Variants in KNDC1 observed in about 807,000 individuals in gnomAD.
KNDC1 encodes kinase non-catalytic C-lobe domain containing 1.
In KNDC1, 106 loss-of-function variants were observed where a neutral mutation model predicts 172.8. The observed-to-expected ratio is 0.61, with a 90% CI of 0.52 to 0.72. KNDC1 has a LOEUF of 0.72. Among genes scored for constraint, KNDC1 ranks in the 30% least tolerant of loss-of-function variants. The pLI is 0.00. For synonymous variants in KNDC1, 1,083 were observed against 1,062.2 expected (o/e 1.02, Z -0.38); for missense variants, 2,325 against 2,394.5 (o/e 0.97, Z 0.61).
chr10:133,169,679 G>A (rs969980512), intron 3 of KNDC1, among the ~76,000 whole-genome samples: 31 of 152,316 alleles, frequency 2.0e-4, no homozygotes, highest in East Asian at 5.8e-4. Flanking sequence ...CCTGGTGGCC[G>A]GGACATGGTG....
chr10:133,199,356 C>T (rs914967780), intron 14 of KNDC1, 90 bp downstream of exon 14: 5 of 1,559,946 alleles, frequency 3.2e-6, no homozygotes, highest in Admixed American at 1.8e-5. Flanking sequence ...CTTCCCCCAG[C>T]CCCCCAGCCG....
chr10:133,218,733 C>G, intron 26 of KNDC1, 98 bp from the exon 27 acceptor site: 3 of 1,457,276 alleles, frequency 2.1e-6, no homozygotes, highest in Non-Finnish European at 2.8e-6. Context: ...AGCACACGCT[C>G]TTGTGTCTTG....
At chr10:133,213,801 G>A (rs533735728) in intron 25 of KNDC1, 74 bp downstream of exon 25, 45 of 1,470,620 alleles carry the variant, frequency 3.1e-5, no homozygotes, top group Non-Finnish European at 3.6e-5. Context: ...TCTTGTGGAC[G>A]CTCCTGACCA....
Position 133,201,622 on chromosome 10 carries a change from G to A in KNDC1, c.3111G>A (p.Gln1037=). Reference sequence around the variant, plus strand: ...ACTTCGAGGTGGGGTTTCGGCCTCAGAGGTCCGTAAAAGCCGAGAGAGCGC... The same window carrying A: ...ACTTCGAGGTGGGGTTTCGGCCTCAAAGGTCCGTAAAAGCCGAGAGAGCGC... ...RGNFEVGFRP[Q]RSVKAERAQQ... is the part of the protein sequence containing the mutation. Residue 1037 remains glutamine, a synonymous_variant, in exon 17 of 30, where the codon CAG becomes CAA. Transcript: ENST00000304613. 6.2e-7 allele frequency: 1 copy of A among 1,613,142 alleles called. No individual in the cohort carries two copies. Among genetic ancestry groups the A allele is most frequent in the South Asian group, 1.1e-5 (1 of 91,086 alleles).
In KNDC1 at chr10:133,226,364, C is replaced by T. The variant is rs545133987; in HGVS notation, c.*1474C>T. ...GGCTTCAGCGCGACTGTCCGCATGG[C>T]TCCCTCCCGTCCTGGCACCAATTTC... On this transcript the variant is annotated 3_prime_UTR_variant, in exon 30 of 30. Coordinates refer to ENST00000304613, the MANE Select transcript of KNDC1 (RefSeq NM_152643.8). The T allele has an allele frequency of 9.2e-5, 14 of 152,446 alleles. No individual in the cohort carries two copies. Among genetic ancestry groups the T allele is most frequent in the African/African-American group, 3.4e-4 (14 of 41,592 alleles). 9.4% of individuals were successfully genotyped at this position (152,446 alleles called of 1,614,324 possible).
At chr10:133,219,842 C>A in intron 28 of KNDC1, 113 bp from the exon 29 acceptor site, 1 of 1,032,020 alleles carries the variant, frequency 9.7e-7, no homozygotes, top group Non-Finnish European at 1.4e-6. Context: ...AGACCCCGTG[C>A]GTGGAGAACG....
At chr10:133,219,820 A>T in intron 28 of KNDC1, 135 bp from the exon 29 acceptor site, 3 of 857,098 alleles carry the variant, frequency 3.5e-6, no homozygotes, top group Non-Finnish European at 5.1e-6. Flanking sequence ...AAGCTAATTC[A>T]GAGAGCCGGG....
intron 3 of KNDC1, among the ~76,000 whole-genome samples, chr10:133,177,084 T>C (rs1853557151): frequency 6.6e-6 from 1 of 152,204 alleles, no homozygotes; most frequent in Non-Finnish European, 1.5e-5. Context: ...CACCCTCTTC[T>C]GCTGGGGACC....
chr10:133,200,443 C>T lies in KNDC1; in HGVS notation c.2972C>T (p.Pro991Leu), dbSNP rs761177367. Reference protein sequence around the residue: ...QSPRSPSSKRPSLHRLGKEKP... With the variant: ...QSPRSPSSKRLSLHRLGKEKP... ...CCCCGCTCCCCGTCCAGCAAGAGGC[C>T]GTCGCTGCACCGCCTGGGTAAGTGC... Residue 991 changes from proline (P) to leucine (L), a missense_variant, in exon 16 of 30, where the codon CCG becomes CTG. Transcript: ENST00000304613. 15 of 1,587,400 alleles carry T rather than the reference C, an allele frequency of 9.4e-6. No homozygotes were observed. The highest frequency in any genetic ancestry group is 5.5e-5 in the African/African-American group (4 of 73,174).
At chr10:133,213,024 C>T (rs1001778602) in intron 24 of KNDC1, 102 bp downstream of exon 24, 16 of 1,083,946 alleles carry the variant, frequency 1.5e-5, no homozygotes, top group Admixed American at 2.6e-5. Context: ...GAGGAACAGA[C>T]GGGCAGAGAA....
intron 17 of KNDC1, among the ~76,000 whole-genome samples, chr10:133,204,734 C>T (rs967110757): frequency 2.9e-4 from 44 of 152,336 alleles, no homozygotes; most frequent in African/African-American, 1.0e-3. Context: ...GCTGACAAGG[C>T]GAGGGGGTGG....
At position 133,224,823 on chromosome 10, in the gene KNDC1, T is replaced by A. The variant is rs867313296; in HGVS notation, c.5183T>A (p.Val1728Asp). ...AADSRANFHQ[V>D]SSEKHSRKIQ... ...GATAGCAGGGCCAACTTCCACCAGG[T>A]CTCCAGCGAGAAGCACTCACGGAAG... Residue 1728 changes from valine to aspartate, a missense_variant, in exon 30 of 30, where the codon GTC (valine) becomes GAC (aspartate). Transcript: ENST00000304613. The surrounding 1 kb of genome is among the most constrained non-coding windows in gnomAD (Gnocchi z 5.4). 3.1e-6 allele frequency: 5 copies of A among 1,613,898 alleles called. No individual in the cohort carries two copies. In the Middle Eastern group the frequency reaches 8.2e-4, roughly 266 times the overall value.
chr10:133,167,429 A>G lies in KNDC1; in HGVS notation c.151A>G (p.Ser51Gly), dbSNP rs770116502. 6.2e-6 allele frequency: 10 copies of G among 1,604,884 alleles called. No homozygotes were observed. Among genetic ancestry groups the G allele is most frequent in the Non-Finnish European group, 8.5e-6 (10 of 1,177,092 alleles). ...DILSLRDRGL[S>G]EQEAWAVCLE... ...CCTCTCCCTGCGGGACCGCGGCCTC[A>G]GCGAGCAGGAAGCCTGGGCCGTGTG... is the stretch of plus-strand genomic sequence containing the variant. Residue 51 changes from serine to glycine, a missense_variant, in exon 2 of 30, where the codon AGC becomes GGC. By Grantham distance (56) the Ser-to-Gly change is moderately conservative (BLOSUM62 0). Coordinates refer to ENST00000304613, the MANE Select transcript of KNDC1 (RefSeq NM_152643.8).
rs1242707040 is a variant in KNDC1, at chr10:133,224,291, G to A, written c.5019-368G>A. The stretch of plus-strand genomic sequence containing the variant: ...TGGGCCCCGGCCGTGGCGATTCCCA[G>A]GTGTGAATGTGAACGCTCTGCACGG... On this transcript the variant is annotated intron_variant, in intron 29 of 29. Transcript: ENST00000304613. This position sits in a 1 kb window ranked among gnomAD's most constrained non-coding sequence, Gnocchi z 5.4. Among the ~76,000 whole-genome samples, 1 of 152,196 alleles carries A rather than the reference G, an allele frequency of 6.6e-6. No homozygotes were observed. The highest frequency in any genetic ancestry group is 1.9e-4 in the East Asian group (1 of 5,176).
At chr10:133,182,801 T>A (rs1853754940) in intron 3 of KNDC1, among the ~76,000 whole-genome samples, 1 of 152,214 alleles carries the variant, frequency 6.6e-6, no homozygotes, top group East Asian at 1.9e-4. Flanking sequence ...CCAGCACAGA[T>A]CTAGGCCCAA....
chr10:133,182,422 C>T (rs1323269794), intron 3 of KNDC1, among the ~76,000 whole-genome samples: 3 of 150,836 alleles, frequency 2.0e-5, no homozygotes, highest in East Asian at 3.9e-4. Context: ...AGCACAGGTG[C>T]GGGGGCAGAG....
At chr10:133,198,542 G>A (rs780290652) in intron 13 of KNDC1, 36 bp from the exon 14 acceptor site, 32 of 1,578,940 alleles carry the variant, frequency 2.0e-5, no homozygotes, top group East Asian at 1.6e-4. Context: ...GGTCCCGGGC[G>A]CAGGCAGCCC....
intron 29 of KNDC1, among the ~76,000 whole-genome samples, chr10:133,221,511 C>T (rs1234524061): frequency 6.6e-6 from 1 of 152,168 alleles, no homozygotes; most frequent in Non-Finnish European, 1.5e-5. Context: ...GACACAATCT[C>T]CCACCCTCCC....
At chr10:133,223,599 G>A (rs1417522781) in intron 29 of KNDC1, among the ~76,000 whole-genome samples, 1 of 84,316 alleles carries the variant, frequency 1.2e-5, no homozygotes, top group Admixed American at 1.1e-4. Flanking sequence ...GCGTGTGTGT[G>A]TGTGTGAGAG....
Sources: allele counts gnomAD v4.1 joint callset (sites outside exome capture counted in the v4.1 genomes callset), GRCh38; gene constraint gnomAD v4.1.1; non-coding constraint Gnocchi (gnomAD v3.1); transcripts MANE v1.5; gene names NCBI Gene and HGNC (gene_info 2026-07-23, HGNC 2026-07-21).